The following BCL11A variants were observed in gnomAD, a reference collection of about 807,000 sequenced individuals.
The protein encoded by BCL11A is BCL11 transcription factor A.
A neutral mutation model predicts 55.9 loss-of-function variants in BCL11A; 2 were observed. The observed-to-expected ratio is 0.04, with a 90% confidence interval of 0.01 to 0.11. The LOEUF (loss-of-function observed/expected upper bound fraction) is 0.11. Among genes scored for constraint, BCL11A ranks in the 10% least tolerant of loss-of-function variants. The pLI is 1.00. For missense variants in BCL11A, 817 were observed against 1,137.1 expected, an observed-to-expected ratio of 0.72 and a Z score of 4.05; for synonymous variants, 465 against 473.4, an observed-to-expected ratio of 0.98 and a Z score of 0.23.
intron 2 of BCL11A, among the ~76,000 whole-genome samples, chr2:60,480,795 T>C (rs1677904160): frequency 1.3e-5 from 2 of 152,212 alleles, no homozygotes; most frequent in African/African-American, 2.4e-5. Context: ...GGTCCCTTTC[T>C]TCCTTCCTCT....
chr2:60,495,312 T>C (rs975318469), intron 2 of BCL11A, among the ~76,000 whole-genome samples: 11 of 152,208 alleles, frequency 7.2e-5, no homozygotes, highest in African/African-American at 2.7e-4. Context: ...CAAAGTTGTA[T>C]TGACCCTGGT....
intron 2 of BCL11A, chr2:60,545,557 A>T: frequency 5.5e-6 from 1 of 182,694 alleles, no homozygotes; most frequent in Non-Finnish European, 1.2e-5. Context: ...GTTCTGAGTC[A>T]AACAAGTCAT....
chr2:60,523,924 C>G (rs747853584), intron 2 of BCL11A, among the ~76,000 whole-genome samples: 3 of 152,182 alleles, frequency 2.0e-5, no homozygotes, highest in Non-Finnish European at 2.9e-5. Context: ...TAAGCACAGA[C>G]ATTAATGTAA....
At chr2:60,470,962 C>A (rs897030221) in intron 2 of BCL11A, among the ~76,000 whole-genome samples, 2 of 152,190 alleles carry the variant, frequency 1.3e-5, no homozygotes, top group African/African-American at 4.8e-5. Flanking sequence ...TAGAATTAAT[C>A]TCCTGACTCC....
At chr2:60,466,915 G>A (rs1037768029) in intron 3 of BCL11A, among the ~76,000 whole-genome samples, 10 of 152,222 alleles carry the variant, frequency 6.6e-5, no homozygotes, top group Admixed American at 6.5e-5. Flanking sequence ...TTTTAGCCAT[G>A]CATGATTCAT....
intron 1 of BCL11A, among the ~76,000 whole-genome samples, chr2:60,549,365 T>G (rs1670291079): frequency 6.6e-6 from 1 of 152,216 alleles, no homozygotes; most frequent in Non-Finnish European, 1.5e-5. Flanking sequence ...TCTTCAAGTT[T>G]GCTTTCCAAG....
At chr2:60,530,669 G>C (rs1351016398) in intron 2 of BCL11A, among the ~76,000 whole-genome samples, 1 of 146,354 alleles carries the variant, frequency 6.8e-6, no homozygotes. Context: ...ACAGTCAGCA[G>C]GTATTTAAAA....
chr2:60,496,439 TAA>T (rs1256496096), intron 2 of BCL11A: 1 of 152,240 alleles, frequency 6.6e-6, no homozygotes, highest in Non-Finnish European at 1.5e-5. Context: ...AGTCTGACAA[TAA>T]GTCTGCCATT....
At position 60,520,930 on chromosome 2, in the gene BCL11A, A is replaced by C. The variant is rs150670194; in HGVS notation, c.385+25041T>G. 4.6e-3 allele frequency among the ~76,000 whole-genome samples: 700 copies of C among 152,310 alleles called. 2 individuals are homozygous for C. Among genetic ancestry groups the C allele is most frequent in the Non-Finnish European group, 5.3e-3 (359 of 68,032 alleles). ...GATGTGCCAACAGTAGAAAGAAGAA[A>C]AAATTATTCCAGCTCTGTACACAAC... On this transcript the variant is annotated intron_variant, in intron 2 of 3. Transcript: ENST00000642384.
At chr2:60,519,173 A>G (rs1288314422) in intron 2 of BCL11A, among the ~76,000 whole-genome samples, 1 of 152,192 alleles carries the variant, frequency 6.6e-6, no homozygotes, top group Non-Finnish European at 1.5e-5. Flanking sequence ...AGGCGCTACA[A>G]AAAAAGAAAT....
rs182571335 is a variant in BCL11A, at chr2:60,466,349, C to T, written c.487+2383G>A. Among the ~76,000 whole-genome samples the T allele has an allele frequency of 2.0e-3, 310 of 152,286 alleles. 2 individuals are homozygous for T. The highest frequency in any genetic ancestry group is 7.1e-3 in the African/African-American group (295 of 41,572). On this transcript the variant is annotated intron_variant, in intron 3 of 3. Transcript: ENST00000642384. ...CCCTCCAAAAGTGGCTCCGTTTCCA[C>T]AGCCCCATGCAGGCCCCAGATGCCC...
chr2:60,482,428 T>C (rs1020704869), intron 2 of BCL11A, among the ~76,000 whole-genome samples: 2 of 152,184 alleles, frequency 1.3e-5, no homozygotes, highest in African/African-American at 4.8e-5. Flanking sequence ...CTGCCACTGC[T>C]TAGTTCCTGG....
At chr2:60,467,201 A>ATGGTGGTAGTGGTGGTGG in intron 3 of BCL11A, among the ~76,000 whole-genome samples, 1 of 66,146 alleles carries the variant, frequency 1.5e-5, no homozygotes, top group East Asian at 4.6e-4. Flanking sequence ...GGTGGTGGTG[A>ATGGTGGTAGTGGTGGTGG]TGGCGGTGAT....
At chr2:60,550,972 G>A in intron 1 of BCL11A, 1 of 396,684 alleles carries the variant, frequency 2.5e-6, no homozygotes, top group Non-Finnish European at 4.4e-6. Context: ...GGGATGCGAG[G>A]GGGTGGGGAG....
chr2:60,491,706 A>G (rs548192362), intron 2 of BCL11A, among the ~76,000 whole-genome samples: 9 of 151,724 alleles, frequency 5.9e-5, no homozygotes, highest in Non-Finnish European at 1.0e-4. Context: ...AAAAAAAAGA[A>G]AGAAATGCTC....
intron 2 of BCL11A, among the ~76,000 whole-genome samples, chr2:60,531,229 C>T (rs1271359621): frequency 6.6e-6 from 1 of 152,016 alleles, no homozygotes; most frequent in Non-Finnish European, 1.5e-5. Flanking sequence ...CTGTGTTGCC[C>T]GACGGTCCTG....
At chr2:60,522,794 G>A (rs1294316673) in intron 2 of BCL11A, 1 of 152,228 alleles carries the variant, frequency 6.6e-6, no homozygotes, top group African/African-American at 2.4e-5. Context: ...GGACGGTTCT[G>A]CACAGAATTC....
rs35238724 is a variant in BCL11A, at chr2:60,460,168, GAAAAAAA to G, written c.*229_*235del. 1.8e-6 allele frequency: 2 copies of G among 1,088,232 alleles called. No homozygotes were observed. The highest frequency in any genetic ancestry group is 1.1e-6 in the Non-Finnish European group (1 of 885,844). 67.4% of individuals were successfully genotyped at this position (1,088,232 alleles called of 1,614,324 possible). A position where few individuals can be genotyped will look rare whatever the true frequency, so the allele number is the denominator to read the frequency against. ...GCATTCAAACGGTGAGAACATAAAG[GAAAAAAA>G]AAAAAAAGGAAAAAGAAAAAAGAAA... is the stretch of plus-strand genomic sequence containing the variant. On this transcript the variant is annotated 3_prime_UTR_variant, in exon 4 of 4. Coordinates refer to ENST00000642384, the MANE Select transcript of BCL11A (RefSeq NM_022893.4).
At position 60,461,177 on chromosome 2, in the gene BCL11A, C is replaced by T. The variant is rs1676247636; in HGVS notation, c.1735G>A (p.Glu579Lys). ...TCGTCGCAAGTGTCCCTGTGGCCCT[C>T]GGCCTCGGCCAGGTGGCCGCGCTTA... ...KHKRGHLAEA[E>K]GHRDTCDEDS... Residue 579 changes from glutamate (E) to lysine (K), a missense_variant, in exon 4 of 4, where the codon GAG becomes AAG. Coordinates refer to ENST00000642384, the MANE Select transcript of BCL11A (RefSeq NM_022893.4). 6.2e-7 allele frequency: 1 copy of T among 1,612,612 alleles called. No individual in the cohort carries two copies.
Sources: allele counts gnomAD v4.1 joint callset (sites outside exome capture counted in the v4.1 genomes callset), GRCh38; gene constraint gnomAD v4.1.1; transcripts MANE v1.5; gene names NCBI Gene and HGNC (gene_info 2026-07-23, HGNC 2026-07-21).